CSK: variants seen among roughly 807,000 people sequenced by gnomAD.
The protein encoded by CSK is tyrosine-protein kinase CSK.
Under a neutral mutation model 62.3 loss-of-function variants are expected in CSK, and 7 were observed. The observed-to-expected ratio is 0.11, with a 90% CI of 0.06 to 0.21. CSK has a LOEUF of 0.21. CSK is among the 10% of genes least tolerant of loss of function. The pLI is 1.00. For synonymous variants in CSK, 237 were observed against 246.0 expected (o/e 0.96, Z 0.34); for missense variants, 294 against 613.5 (o/e 0.48, Z 5.50).
chr15:74,798,188 G>A lies in CSK; in HGVS notation c.-65-45G>A. 8.1e-7 allele frequency: 1 copy of A among 1,230,570 alleles called. No individual in the cohort carries two copies. The highest frequency in any genetic ancestry group is 1.1e-6 in the Non-Finnish European group (1 of 891,414). 76.2% of individuals were successfully genotyped at this position (1,230,570 alleles called of 1,614,324 possible). On this transcript the variant is annotated intron_variant, in intron 1 of 12. Coordinates refer to ENST00000220003, the MANE Select transcript of CSK (RefSeq NM_004383.3). This position sits in a 1 kb window ranked among gnomAD's most constrained non-coding sequence, Gnocchi z 6.6. ...GGAGCCAGATCTCAGCAGTTGGGGG[G>A]CATTTCTTCACACCCCTCCTCAGTC...
chr15:74,801,480 G>T, intron 9 of CSK, 42 bp from the exon 10 acceptor site: 1 of 1,584,754 alleles, frequency 6.3e-7, no homozygotes, highest in East Asian at 2.2e-5. Context: ...AGGGCTGCAG[G>T]GCACGTCTGA....
chr15:74,785,508 A>G (rs2063501571), intron 1 of CSK, among the ~76,000 whole-genome samples: 1 of 152,216 alleles, frequency 6.6e-6, no homozygotes, highest in East Asian at 1.9e-4. Context: ...GACCTTAGAC[A>G]GGTCACTGAC....
At chr15:74,799,098 G>A in intron 4 of CSK, 160 bp downstream of exon 4, 1 of 952,600 alleles carries the variant, frequency 1.0e-6, no homozygotes, top group Non-Finnish European at 1.5e-6. Context: ...AGCAGGGCTG[G>A]GGGCAGAGGC....
chr15:74,784,327 C>T (rs1203470016), intron 1 of CSK, among the ~76,000 whole-genome samples: 2 of 152,318 alleles, frequency 1.3e-5, no homozygotes, highest in Admixed American at 1.3e-4. Flanking sequence ...AACTTCCTTT[C>T]CAGCCTGAGG....
At chr15:74,801,153 C>G in intron 9 of CSK, 51 bp downstream of exon 9, 2 of 1,599,600 alleles carry the variant, frequency 1.3e-6, no homozygotes, top group South Asian at 2.2e-5. Flanking sequence ...GCCCCGAAAC[C>G]CCCACTGTGC....
At chr15:74,794,896 C>T (rs1567217068) in intron 1 of CSK, among the ~76,000 whole-genome samples, 1 of 152,278 alleles carries the variant, frequency 6.6e-6, no homozygotes, top group Middle Eastern at 3.4e-3. Context: ...TGGTTCCTCA[C>T]ATTGGCAGTG....
Position 74,802,709 on chromosome 15 carries a change from G to GGGCCAGGGAGGAAGGA in CSK, c.*202_*217dup. On this transcript the variant is annotated 3_prime_UTR_variant, in exon 13 of 13. Transcript: ENST00000220003. ...TGTGGGGCCTGGGGAGCCCACTGAG[G>GGGCCAGGGAGGAAGGA]GGCCAGGGAGGAAGGAGGCCACGGA... The GGGCCAGGGAGGAAGGA allele has an allele frequency of 1.6e-6, 1 of 624,036 alleles. No individual in the cohort carries two copies. Among genetic ancestry groups the GGGCCAGGGAGGAAGGA allele is most frequent in the Non-Finnish European group, 2.5e-6 (1 of 395,620 alleles). 38.7% of individuals were successfully genotyped at this position (624,036 alleles called of 1,614,324 possible). A position where few individuals can be genotyped will look rare whatever the true frequency, so the allele number is the denominator to read the frequency against.
intron 1 of CSK, among the ~76,000 whole-genome samples, chr15:74,785,626 A>T (rs1445313491): frequency 1.3e-5 from 2 of 152,256 alleles, no homozygotes; most frequent in African/African-American, 4.8e-5. Flanking sequence ...TGCCTGGCAC[A>T]GCCCTTTCTT....
chr15:74,788,283 A>G (rs1255169887), intron 1 of CSK, among the ~76,000 whole-genome samples: 1 of 152,122 alleles, frequency 6.6e-6, no homozygotes, highest in Non-Finnish European at 1.5e-5. Flanking sequence ...CCAGAGCAGA[A>G]CAGCCAAGCT....
chr15:74,799,522 AC>A, intron 5 of CSK, 31 bp downstream of exon 5: 1 of 1,590,364 alleles, frequency 6.3e-7, no homozygotes, highest in Non-Finnish European at 8.6e-7. Flanking sequence ...CCTTGCTCCC[AC>A]CCTCACACAC....
rs1395950932 is a variant in CSK at position 74,802,503 on chromosome 15, T to C, written c.1343T>C (p.Leu448Pro). The C allele has an allele frequency of 6.2e-7, 1 of 1,610,854 alleles. No homozygotes were observed. The highest frequency in any genetic ancestry group is 8.5e-7 in the Non-Finnish European group (1 of 1,179,136). ...EQLEHIKTHE[L>P]HL ...CTTGAGCACATCAAAACCCACGAGC[T>C]GCACCTGTGACGGCTGGCCTCCGCC... Residue 448 changes from leucine to proline, a missense_variant, in exon 13 of 13, where the codon CTG becomes CCG. Physicochemically the swap from Leu to Pro is moderately conservative, Grantham distance 98. Around this residue, in one of 3 missense-constraint regions of CSK, gnomAD observed 66 missense variants for 99.3 expected, o/e 0.66. Transcript: ENST00000220003.
At position 74,800,825 on chromosome 15, in the gene CSK, G is replaced by A. The variant is rs780972244; in HGVS notation, c.625G>A (p.Val209Met). 6.2e-7 allele frequency: 1 copy of A among 1,611,916 alleles called. No homozygotes were observed. Among genetic ancestry groups the A allele is most frequent in the Non-Finnish European group, 8.5e-7 (1 of 1,179,276 alleles). Residue 209 changes from valine (V) to methionine (M), a missense_variant and splice_region_variant, in exon 8 of 13, where the codon GTG (valine) becomes ATG (methionine). By Grantham distance (21) the Val-to-Met change is conservative. This residue lies in a region of CSK where 202 missense variants were observed against 415.7 expected (regional missense o/e 0.49). Transcript: ENST00000220003. ...CAAGACCACCTCTCTGCCCCCAGAC[G>A]TGATGCTGGGCGATTACCGAGGGAA... ...QTIGKGEFGD[V>M]MLGDYRGNKV... is the part of the protein sequence containing the mutation.
rs1275690047 is a variant in CSK, at chr15:74,782,528, C to T, written c.-258C>T. 2 of 151,612 alleles carry T rather than the reference C, an allele frequency of 1.3e-5. No homozygotes were observed. Among genetic ancestry groups the T allele is most frequent in the Admixed American group, 1.3e-4 (2 of 15,258 alleles). The allele number at this position is 151,612 out of a possible 1,614,324, so 9.4% of individuals were successfully genotyped here. ...TCCCCCGCCTTTCTTCCCTCCGCGA[C>T]CCGGGCCGTGCGTCCGTCCCCCTGC... On this transcript the variant is annotated 5_prime_UTR_variant, in exon 1 of 13. Transcript: ENST00000220003. The surrounding 1 kb of genome is among the most constrained non-coding windows in gnomAD (Gnocchi z 5.7).
At chr15:74,787,884 G>T (rs2063548604) in intron 1 of CSK, among the ~76,000 whole-genome samples, 1 of 152,216 alleles carries the variant, frequency 6.6e-6, no homozygotes, top group South Asian at 2.1e-4. Context: ...CTATCTATCT[G>T]CAGCTTGTGC....
At chr15:74,796,738 G>A in intron 1 of CSK, among the ~76,000 whole-genome samples, 1 of 152,128 alleles carries the variant, frequency 6.6e-6, no homozygotes, top group African/African-American at 2.4e-5. Flanking sequence ...GTCACAGAGT[G>A]GACCCACTTC....
rs1274568879 is a variant in CSK at position 74,798,529 on chromosome 15, C to A, written c.16-86C>A. On this transcript the variant is annotated intron_variant, in intron 2 of 12. Coordinates refer to ENST00000220003, the MANE Select transcript of CSK (RefSeq NM_004383.3). The surrounding 1 kb of genome is among the most constrained non-coding windows in gnomAD (Gnocchi z 6.6). ...CCTCACCCAGGCTCACAGAGGCCAGCTCAGAGGCTGTGACCACGAGGGTGC... is the reference window on the plus strand; with the variant it reads ...CCTCACCCAGGCTCACAGAGGCCAGATCAGAGGCTGTGACCACGAGGGTGC... 1.5e-6 allele frequency: 2 copies of A among 1,359,798 alleles called. No individual in the cohort carries two copies. Among genetic ancestry groups the A allele is most frequent in the Non-Finnish European group, 2.1e-6 (2 of 965,356 alleles). The allele number at this position is 1,359,798 out of a possible 1,614,324, so 84.2% of individuals were successfully genotyped here.
intron 12 of CSK, 28 bp from the exon 13 acceptor site, chr15:74,802,303 A>G (rs2063805009): frequency 6.4e-7 from 1 of 1,558,046 alleles, no homozygotes; most frequent in African/African-American, 1.4e-5. Context: ...CAGGGCCTGG[A>G]CTGACTCCTG....
intron 5 of CSK, 44 bp downstream of exon 5, chr15:74,799,535 C>G: frequency 3.8e-6 from 6 of 1,565,946 alleles, no homozygotes; most frequent in Non-Finnish European, 5.2e-6. Context: ...CTCACACACC[C>G]TAAACCCATC....
intron 1 of CSK, among the ~76,000 whole-genome samples, chr15:74,797,437 T>C (rs947356117): frequency 6.6e-6 from 1 of 152,112 alleles, no homozygotes; most frequent in African/African-American, 2.4e-5. Context: ...ATGCCTGTAA[T>C]CCCAGCTACT....
Sources: allele counts gnomAD v4.1 joint callset (sites outside exome capture counted in the v4.1 genomes callset), GRCh38; gene constraint gnomAD v4.1.1; regional missense constraint gnomAD v4.1.1; non-coding constraint Gnocchi (gnomAD v3.1); transcripts MANE v1.5; gene names NCBI Gene and HGNC (gene_info 2026-07-23, HGNC 2026-07-21).